Variants in RELN observed in about 807,000 individuals in gnomAD.
The protein encoded by RELN is reelin.
Under a neutral mutation model 427.6 loss-of-function variants are expected in RELN, and 108 were observed. That is an observed-to-expected ratio of 0.25 (90% CI 0.22 to 0.30). The LOEUF (loss-of-function observed/expected upper bound fraction) is 0.30. Ranked by LOEUF, RELN falls within the 10% of genes least tolerant of loss-of-function variation. The probability of loss-of-function intolerance (pLI) is 1.00; values close to 1 mark genes in which losing one functional copy is unlikely to be tolerated. For missense variants in RELN, 3,715 were observed against 4,302.8 expected, an observed-to-expected ratio of 0.86 and a Z score of 3.82; for synonymous variants, 1,524 against 1,513.4, an observed-to-expected ratio of 1.01 and a Z score of -0.16.
At chr7:103,487,728 T>G (rs1203352285) in intron 60 of RELN, among the ~76,000 whole-genome samples, 1 of 152,232 alleles carries the variant, frequency 6.6e-6, no homozygotes, top group Non-Finnish European at 1.5e-5. Flanking sequence ...AATTTCTTTT[T>G]TCCTAGCATG....
At chr7:103,973,655 T>C (rs918744704) in intron 1 of RELN, among the ~76,000 whole-genome samples, 3 of 152,176 alleles carry the variant, frequency 2.0e-5, no homozygotes, top group African/African-American at 7.2e-5. Context: ...GAAATATTTA[T>C]AGATTTTTAA....
intron 1 of RELN, among the ~76,000 whole-genome samples, chr7:103,962,646 T>TGTGTGTG (rs1554449118): frequency 6.7e-6 from 1 of 149,816 alleles, no homozygotes; most frequent in African/African-American, 2.5e-5. Context: ...TCCAAAGTTG[T>TGTGTGTG]TGTGTGTGTG....
chr7:103,553,978 G>A, intron 38 of RELN, 147 bp from the exon 39 acceptor site: 1 of 714,486 alleles, frequency 1.4e-6, no homozygotes, highest in Middle Eastern at 3.7e-4. Context: ...TTGAGCCCAG[G>A]AGTTCAAGAC....
rs574867135 is a variant in RELN, at chr7:103,801,010, G to C, written c.474-24383C>G. ...CATTATCACTGGCCATCAGAGAAAT[G>C]CAAATCAAAACCACAATGAGATACC... On this transcript the variant is annotated intron_variant, in intron 3 of 64. Transcript: ENST00000428762. 3.9e-5 allele frequency among the ~76,000 whole-genome samples: 6 copies of C among 152,278 alleles called. No individual in the cohort carries two copies. In the South Asian group the frequency reaches 1.2e-3, roughly 32 times the overall value.
chr7:103,814,419 A>C (rs1383999802), intron 3 of RELN, among the ~76,000 whole-genome samples: 1 of 152,214 alleles, frequency 6.6e-6, no homozygotes, highest in Non-Finnish European at 1.5e-5. Context: ...AGTGCTATAC[A>C]CTTAACAAAT....
At chr7:103,959,794 T>C (rs1156549645) in intron 1 of RELN, among the ~76,000 whole-genome samples, 3 of 151,988 alleles carry the variant, frequency 2.0e-5, no homozygotes, top group Non-Finnish European at 2.9e-5. Context: ...ACAGTTTTTG[T>C]GGAGATGGGG....
intron 46 of RELN, among the ~76,000 whole-genome samples, chr7:103,525,607 C>A (rs1829806018): frequency 1.3e-5 from 2 of 151,966 alleles, no homozygotes; most frequent in Admixed American, 1.3e-4. Context: ...GTCTGTTTAT[C>A]TGCAGCAACA....
Position 103,678,656 on chromosome 7 carries a change from T to C in RELN, c.1289+3460A>G, listed in dbSNP as rs758257769. ...TCCTTGCCATTCATATTAAGTCTTTTGGAAACGTTATTAGAGAGGACTGCA... is the reference window on the plus strand; with the variant it reads ...TCCTTGCCATTCATATTAAGTCTTTCGGAAACGTTATTAGAGAGGACTGCA... On this transcript the variant is annotated intron_variant, in intron 11 of 64. Coordinates refer to ENST00000428762, the MANE Select transcript of RELN (RefSeq NM_005045.4). Among the ~76,000 whole-genome samples the C allele has an allele frequency of 3.7e-4, 56 of 152,318 alleles. No homozygotes were observed. In the Middle Eastern group the frequency reaches 0.014, roughly 37 times the overall value.
intron 27 of RELN, 98 bp downstream of exon 27, chr7:103,593,584 G>T: frequency 9.5e-7 from 1 of 1,055,338 alleles, no homozygotes; most frequent in Non-Finnish European, 1.5e-6. Flanking sequence ...TTCTTTAATA[G>T]AATATGAAAA....
intron 11 of RELN, among the ~76,000 whole-genome samples, chr7:103,673,502 T>C (rs574111542): frequency 6.6e-6 from 1 of 152,292 alleles, no homozygotes; most frequent in East Asian, 1.9e-4. Context: ...AAATAATCCA[T>C]ACTTATTTAG....
rs189400812 is a variant in RELN, at chr7:103,767,477, C to T, written c.544+9080G>A. 3.9e-5 allele frequency among the ~76,000 whole-genome samples: 6 copies of T among 152,286 alleles called. No homozygotes were observed. In the East Asian group the frequency reaches 1.2e-3, roughly 29 times the overall value. The stretch of plus-strand genomic sequence containing the variant: ...TCCACAGATAAGGAACCTATAGTTA[C>T]ATGATCATAGCATGAATTCAAATAC... On this transcript the variant is annotated intron_variant, in intron 4 of 64. Coordinates refer to ENST00000428762, the MANE Select transcript of RELN (RefSeq NM_005045.4).
At chr7:103,833,149 T>C (rs994740688) in intron 3 of RELN, among the ~76,000 whole-genome samples, 1 of 152,156 alleles carries the variant, frequency 6.6e-6, no homozygotes, top group Non-Finnish European at 1.5e-5. Flanking sequence ...TTTTGAGATA[T>C]GCAATACATT....
intron 3 of RELN, among the ~76,000 whole-genome samples, chr7:103,782,456 A>G (rs1351045018): frequency 6.6e-6 from 1 of 152,112 alleles, no homozygotes; most frequent in Non-Finnish European, 1.5e-5. Context: ...GGATAACTTG[A>G]AATAATAACT....
At chr7:103,807,969 A>G (rs1414914958) in intron 3 of RELN, among the ~76,000 whole-genome samples, 3 of 152,112 alleles carry the variant, frequency 2.0e-5, no homozygotes, top group Admixed American at 1.3e-4. Flanking sequence ...TGAGGATGGG[A>G]TACTCTTCTG....
chr7:103,780,879 C>T (rs1367503915), intron 3 of RELN, among the ~76,000 whole-genome samples: 1 of 152,062 alleles, frequency 6.6e-6, no homozygotes, highest in Non-Finnish European at 1.5e-5. Flanking sequence ...CAATGAAGAC[C>T]CCTTGCATCT....
At chr7:103,524,793 C>T (rs888519789) in intron 46 of RELN, among the ~76,000 whole-genome samples, 1 of 152,112 alleles carries the variant, frequency 6.6e-6, no homozygotes, top group Admixed American at 6.5e-5. Context: ...GAGGTCAGTC[C>T]AATACATGTC....
chr7:103,514,689 C>T (rs1829515703), intron 50 of RELN, among the ~76,000 whole-genome samples: 1 of 152,072 alleles, frequency 6.6e-6, no homozygotes, highest in Non-Finnish European at 1.5e-5. Context: ...AGAGGTCCTT[C>T]CTGCTTCACC....
chr7:103,663,817 C>A (rs1360372178), intron 11 of RELN, among the ~76,000 whole-genome samples: 1 of 152,194 alleles, frequency 6.6e-6, no homozygotes, highest in Non-Finnish European at 1.5e-5. Context: ...TAGGCACACA[C>A]TTTAAATGCC....
At chr7:103,792,188 T>G (rs571408256) in intron 3 of RELN, among the ~76,000 whole-genome samples, 21 of 152,290 alleles carry the variant, frequency 1.4e-4, no homozygotes, top group Admixed American at 3.9e-4. Context: ...TGAGTTACTG[T>G]GTGACCCAGC....
Sources: gnomAD v4.1 joint callset for allele counts (sites outside exome capture counted in the v4.1 genomes callset) on GRCh38, gnomAD v4.1.1 for gene constraint, MANE v1.5 for transcripts, NCBI Gene and HGNC (gene_info 2026-07-23, HGNC 2026-07-21) for gene names.